Variants in TRAPPC9 observed in about 807,000 individuals in gnomAD.
TRAPPC9 encodes IKK2 binding protein.
Under a neutral mutation model 124.0 loss-of-function variants are expected in TRAPPC9, and 83 were observed. That is an observed-to-expected ratio of 0.67 (90% CI 0.56 to 0.80). TRAPPC9 has a LOEUF of 0.80. Ranked by LOEUF, TRAPPC9 falls within the 30% of genes least tolerant of loss-of-function variation. The pLI, the probability that TRAPPC9 is intolerant of heterozygous loss-of-function variation, is 0.00. For missense variants in TRAPPC9, 1,302 were observed against 1,508.3 expected (o/e 0.86, Z 2.27); for synonymous variants, 638 against 617.5 (o/e 1.03, Z -0.49).
At chr8:140,344,390 G>A (rs1460020050) in intron 9 of TRAPPC9, among the ~76,000 whole-genome samples, 2 of 152,218 alleles carry the variant, frequency 1.3e-5, no homozygotes, top group Non-Finnish European at 2.9e-5. Context: ...AAAATGAGGT[G>A]GGGAGAAGTT....
chr8:139,857,239 T>C (rs1159311551), intron 21 of TRAPPC9, among the ~76,000 whole-genome samples: 1 of 152,262 alleles, frequency 6.6e-6, no homozygotes, highest in East Asian at 1.9e-4. Context: ...CGGCGGCTCA[T>C]GGGCCTGGTA....
At chr8:140,238,890 G>C (rs1033670156) in intron 16 of TRAPPC9, among the ~76,000 whole-genome samples, 1 of 152,200 alleles carries the variant, frequency 6.6e-6, no homozygotes, top group East Asian at 1.9e-4. Flanking sequence ...CCGTGCTGAC[G>C]CCGGGGCTCC....
chr8:140,110,026 C>T lies in TRAPPC9; in HGVS notation c.2557-85947G>A, dbSNP rs540060676. ...AGACAGACTCAGGTGACAGCATCAACAGGCTCCGCATGCCCCTGAGCTTCT... is the reference window on the plus strand; with the variant it reads ...AGACAGACTCAGGTGACAGCATCAATAGGCTCCGCATGCCCCTGAGCTTCT... On this transcript the variant is annotated intron_variant, in intron 17 of 22. Coordinates refer to ENST00000438773, the MANE Select transcript of TRAPPC9 (RefSeq NM_001160372.4). 6.6e-5 allele frequency among the ~76,000 whole-genome samples: 10 copies of T among 152,220 alleles called. 1 individual carries two copies. In the South Asian group the frequency reaches 2.1e-3, roughly 32 times the overall value.
At chr8:139,816,190 G>A (rs1238584021) in intron 21 of TRAPPC9, among the ~76,000 whole-genome samples, 1 of 152,232 alleles carries the variant, frequency 6.6e-6, no homozygotes, top group Admixed American at 6.5e-5. Context: ...TGGAAGGCCA[G>A]ACTTGATAGA....
intron 21 of TRAPPC9, among the ~76,000 whole-genome samples, chr8:139,740,028 A>G (rs758573630): frequency 2.6e-5 from 4 of 152,228 alleles, no homozygotes; most frequent in Non-Finnish European, 5.9e-5. Flanking sequence ...CATTTGGCAC[A>G]TGAGGGACCA....
At chr8:139,935,728 T>A (rs1833472309) in intron 19 of TRAPPC9, among the ~76,000 whole-genome samples, 1 of 149,458 alleles carries the variant, frequency 6.7e-6, no homozygotes, top group African/African-American at 2.5e-5. Flanking sequence ...CCGTATGAAC[T>A]CGGGCAAGTC....
intron 21 of TRAPPC9, among the ~76,000 whole-genome samples, chr8:139,803,804 G>C (rs1326161504): frequency 6.6e-6 from 1 of 152,152 alleles, no homozygotes; most frequent in Non-Finnish European, 1.5e-5. Context: ...AGAATCTGCT[G>C]CTCCACTTTA....
intron 19 of TRAPPC9, among the ~76,000 whole-genome samples, chr8:139,934,649 G>A (rs972280591): frequency 8.5e-5 from 13 of 152,098 alleles, no homozygotes; most frequent in African/African-American, 3.1e-4. Flanking sequence ...TCCATCCGCC[G>A]AGGAATCTCC....
chr8:140,299,171 C>A (rs949203438), intron 11 of TRAPPC9, among the ~76,000 whole-genome samples: 1 of 152,190 alleles, frequency 6.6e-6, no homozygotes, highest in Non-Finnish European at 1.5e-5. Context: ...AAGGAAAGAG[C>A]GAGCCCCAAA....
intron 9 of TRAPPC9, among the ~76,000 whole-genome samples, chr8:140,344,134 G>A (rs1344809313): frequency 6.6e-6 from 1 of 152,134 alleles, no homozygotes; most frequent in Non-Finnish European, 1.5e-5. Flanking sequence ...ATGATAGGAG[G>A]AGTTCCCTTG....
At chr8:140,277,324 T>G (rs1455434218) in intron 14 of TRAPPC9, among the ~76,000 whole-genome samples, 1 of 152,220 alleles carries the variant, frequency 6.6e-6, no homozygotes, top group Non-Finnish European at 1.5e-5. Flanking sequence ...CCTTGGAATT[T>G]AAATATCTTT....
chr8:140,306,616 C>A (rs1218340208), intron 10 of TRAPPC9, among the ~76,000 whole-genome samples: 3 of 152,016 alleles, frequency 2.0e-5, no homozygotes, highest in South Asian at 4.1e-4. Context: ...CTGGACAGCA[C>A]ATTAAAGCGT....
chr8:139,988,053 G>A (rs1366649550), intron 19 of TRAPPC9, among the ~76,000 whole-genome samples: 1 of 151,106 alleles, frequency 6.6e-6, no homozygotes, highest in Non-Finnish European at 1.5e-5. Flanking sequence ...AATTCCTCTT[G>A]ATGCTGACAT....
rs1363322950 is a variant in TRAPPC9, at chr8:140,405,627, G to A, written c.958C>T (p.Pro320Ser). The change falls in exon 6 of 23, where the codon CCT (proline) becomes TCT (serine). Residue 320 changes from proline (P) to serine (S), a missense_variant. Physicochemically the swap from Pro to Ser is moderately conservative, Grantham distance 74. This residue lies in a region of TRAPPC9 where 657 missense variants were observed against 811.2 expected (regional missense o/e 0.81). Transcript: ENST00000438773. The part of the protein sequence containing the change: ...EIGRAKNCLS[P>S]EDIIDKYKEA... Reference sequence around the variant, plus strand: ...TTATACTTGTCAATTATGTCTTCAGGGCTAAGGCAGTTCTTAGCACGTCCG... The same window carrying A: ...TTATACTTGTCAATTATGTCTTCAGAGCTAAGGCAGTTCTTAGCACGTCCG... 2.5e-6 allele frequency: 4 copies of A among 1,613,870 alleles called. No homozygotes were observed. The highest frequency in any genetic ancestry group is 1.6e-4 in the Middle Eastern group (1 of 6,062).
Position 140,063,758 on chromosome 8 carries a change from T to TG in TRAPPC9, c.2557-39680dup, listed in dbSNP as rs1318207651. ...TCTGTGTTTCCTTAAGAGCGGGACT[T>TG]GCGGGCGGGGTATGCATCAAATTTC... is the stretch of plus-strand genomic sequence containing the variant. On this transcript the variant is annotated intron_variant, in intron 17 of 22. Transcript: ENST00000438773. The surrounding 1 kb of genome is among the most constrained non-coding windows in gnomAD (Gnocchi z 4.3). Among the ~76,000 whole-genome samples the TG allele has an allele frequency of 6.6e-6, 1 of 152,184 alleles. No homozygotes were observed. The highest frequency in any genetic ancestry group is 2.4e-5 in the African/African-American group (1 of 41,442).
At chr8:140,369,344 G>A (rs2068212272) in intron 8 of TRAPPC9, among the ~76,000 whole-genome samples, 1 of 152,168 alleles carries the variant, frequency 6.6e-6, no homozygotes, top group Admixed American at 6.5e-5. Context: ...CATGTGAGAG[G>A]CACCTGTTTA....
intron 1 of TRAPPC9, among the ~76,000 whole-genome samples, chr8:140,455,333 A>G (rs900430097): frequency 2.0e-5 from 3 of 151,502 alleles, no homozygotes; most frequent in Admixed American, 6.6e-5. Context: ...GGGTTTTGCC[A>G]TGTTGTCCAG....
At position 139,776,669 on chromosome 8, in the gene TRAPPC9, T is replaced by G. The variant is rs1283281339; in HGVS notation, c.3056-44467A>C. Reference sequence around the variant, plus strand: ...CTGTGTGCACGTGTGTGTCTGTGTGTGTGTGCGCACACACACACAGAAAGG... The same window carrying G: ...CTGTGTGCACGTGTGTGTCTGTGTGGGTGTGCGCACACACACACAGAAAGG... On this transcript the variant is annotated intron_variant, in intron 21 of 22. Coordinates refer to ENST00000438773, the MANE Select transcript of TRAPPC9 (RefSeq NM_001160372.4). This position sits in a 1 kb window ranked among gnomAD's most constrained non-coding sequence, Gnocchi z 4.1. Among the ~76,000 whole-genome samples the G allele has an allele frequency of 2.0e-5, 3 of 152,026 alleles. No individual in the cohort carries two copies. In the East Asian group the frequency reaches 5.8e-4, roughly 30 times the overall value.
chr8:140,299,987 C>G (rs1472732122), intron 11 of TRAPPC9, among the ~76,000 whole-genome samples: 1 of 152,230 alleles, frequency 6.6e-6, no homozygotes, highest in Non-Finnish European at 1.5e-5. Flanking sequence ...CTTGTAAAAT[C>G]AGTCTACATC....
Sources: gnomAD v4.1 joint callset for allele counts (sites outside exome capture counted in the v4.1 genomes callset) on GRCh38, gnomAD v4.1.1 for gene constraint, gnomAD v4.1.1 regional missense constraint, Gnocchi (gnomAD v3.1) non-coding constraint, MANE v1.5 for transcripts, NCBI Gene and HGNC (gene_info 2026-07-23, HGNC 2026-07-21) for gene names.